Variants in SAMD12 observed in about 807,000 individuals in gnomAD.
The protein encoded by SAMD12 is sterile alpha motif domain containing 12.
SAMD12 carries 9 observed loss-of-function variants against 15.0 expected under a neutral mutation model. The ratio of observed to expected loss-of-function variants is 0.60; its 90% CI spans 0.36 to 1.05. SAMD12 has a LOEUF of 1.05. Ranked by LOEUF, SAMD12 falls within the 50% of genes least tolerant of loss-of-function variation. The pLI is 0.01. For missense variants in SAMD12, 230 were observed against 234.2 expected (o/e 0.98, Z 0.12); for synonymous variants, 86 against 90.1 (o/e 0.96, Z 0.25).
chr8:118,591,951 A>C (rs898591491), intron 1 of SAMD12, among the ~76,000 whole-genome samples: 2 of 152,326 alleles, frequency 1.3e-5, no homozygotes, highest in South Asian at 2.1e-4. Context: ...ATCCTCTAAC[A>C]TGAAGGTGGT....
At chr8:118,251,032 G>A (rs186200508) in intron 4 of SAMD12, among the ~76,000 whole-genome samples, 28 of 152,172 alleles carry the variant, frequency 1.8e-4, no homozygotes, top group Admixed American at 1.7e-3. Context: ...GATACACAGA[G>A]GTAACTTGCC....
At chr8:118,320,765 A>G (rs1227094055) in intron 4 of SAMD12, among the ~76,000 whole-genome samples, 1 of 151,294 alleles carries the variant, frequency 6.6e-6, no homozygotes, top group African/African-American at 2.4e-5. Context: ...ATGTATATAT[A>G]TGTAACAAAT....
At chr8:118,385,583 A>T (rs1819911918) in intron 3 of SAMD12, among the ~76,000 whole-genome samples, 1 of 152,204 alleles carries the variant, frequency 6.6e-6, no homozygotes, top group South Asian at 2.1e-4. Context: ...GTGTGTATAC[A>T]TATGCTCATA....
chr8:118,354,813 C>A (rs912884671), intron 4 of SAMD12, among the ~76,000 whole-genome samples: 2 of 152,192 alleles, frequency 1.3e-5, no homozygotes, highest in African/African-American at 4.8e-5. Context: ...CCAGTTAAAT[C>A]ACATTTGCAG....
intron 1 of SAMD12, among the ~76,000 whole-genome samples, chr8:118,587,144 C>T (rs959560228): frequency 6.6e-6 from 1 of 152,104 alleles, no homozygotes; most frequent in Non-Finnish European, 1.5e-5. Flanking sequence ...CCAATCCCCA[C>T]CATTAGTTAT....
intron 2 of SAMD12, among the ~76,000 whole-genome samples, chr8:118,566,493 T>A (rs1826855631): frequency 6.6e-6 from 1 of 152,192 alleles, no homozygotes; most frequent in African/African-American, 2.4e-5. Flanking sequence ...TTGCTCAACA[T>A]AGTTTTTACC....
At chr8:118,364,880 C>T (rs558132099) in intron 4 of SAMD12, among the ~76,000 whole-genome samples, 1 of 152,174 alleles carries the variant, frequency 6.6e-6, no homozygotes, top group East Asian at 1.9e-4. Context: ...TCCTCATCCT[C>T]ATTTGCCACC....
chr8:118,499,482 ACCT>A (rs1289907347), intron 2 of SAMD12, among the ~76,000 whole-genome samples: 9 of 152,210 alleles, frequency 5.9e-5, no homozygotes, highest in African/African-American at 2.2e-4. Flanking sequence ...ACGTCATGTA[ACCT>A]CCTCAAGCCA....
chr8:118,245,921 G>C (rs11562792), intron 4 of SAMD12, among the ~76,000 whole-genome samples: 24,708 of 152,058 alleles, frequency 0.16, 2,466 homozygotes, highest in South Asian at 0.27. Flanking sequence ...TAGGCAGAAG[G>C]ATTCATTTAC....
intron 4 of SAMD12, chr8:118,282,422 C>A: frequency 2.2e-6 from 1 of 450,024 alleles, no homozygotes; most frequent in South Asian, 1.6e-5. Context: ...CTTCTGCAGT[C>A]CAAAGGAAGG....
chr8:118,150,263 A>G, the SAMD12 span, among the ~76,000 whole-genome samples: 1 of 152,240 alleles, frequency 6.6e-6, no homozygotes, highest in Non-Finnish European at 1.5e-5. Flanking sequence ...AGTATATTAT[A>G]TTATTTCACC....
chr8:118,466,169 A>C (rs1242862019), intron 2 of SAMD12, among the ~76,000 whole-genome samples: 1 of 152,208 alleles, frequency 6.6e-6, no homozygotes, highest in Admixed American at 6.5e-5. Context: ...TGGGCAATGT[A>C]AAAGAGAAAA....
At chr8:118,491,926 G>A (rs1440226794) in intron 2 of SAMD12, among the ~76,000 whole-genome samples, 1 of 152,174 alleles carries the variant, frequency 6.6e-6, no homozygotes, top group Non-Finnish European at 1.5e-5. Flanking sequence ...AAGTCTTTGT[G>A]TGGATGTTTT....
chr8:118,146,763 T>A, the SAMD12 span, among the ~76,000 whole-genome samples: 9,932 of 152,264 alleles, frequency 0.065, 1,078 homozygotes, highest in African/African-American at 0.22. Flanking sequence ...CACTGGGTTT[T>A]GAGTATCACA....
At chr8:118,511,453 T>TTTTTG (rs549503520) in intron 2 of SAMD12, among the ~76,000 whole-genome samples, 3 of 90,270 alleles carry the variant, frequency 3.3e-5, no homozygotes, top group African/African-American at 1.1e-4. Flanking sequence ...TTTGTTTTTG[T>TTTTTG]TTTTTTTTTA....
At chr8:118,417,979 C>G (rs529030806) in intron 3 of SAMD12, among the ~76,000 whole-genome samples, 1 of 152,234 alleles carries the variant, frequency 6.6e-6, no homozygotes, top group African/African-American at 2.4e-5. Flanking sequence ...ATGACCTGAT[C>G]GAATATTCTT....
the SAMD12 span, among the ~76,000 whole-genome samples, chr8:118,168,621 C>G: frequency 2.6e-5 from 4 of 152,138 alleles, no homozygotes; most frequent in Non-Finnish European, 5.9e-5. Flanking sequence ...GGCTTGTCTG[C>G]CTCACTGGTT....
chr8:118,495,429 T>C (rs1009932844), intron 2 of SAMD12, among the ~76,000 whole-genome samples: 14 of 152,192 alleles, frequency 9.2e-5, no homozygotes, highest in African/African-American at 3.4e-4. Context: ...TTCAGCTGAG[T>C]GTGATTTTTA....
the SAMD12 span, among the ~76,000 whole-genome samples, chr8:118,177,715 C>A: frequency 2.1e-5 from 3 of 143,402 alleles, 1 homozygote; most frequent in African/African-American, 7.5e-5. Context: ...AGAGTGAGAT[C>A]CTGTTTTTAA....
Sources: allele counts gnomAD v4.1 joint callset (sites outside exome capture counted in the v4.1 genomes callset), GRCh38; gene constraint gnomAD v4.1.1; transcripts MANE v1.5; gene names NCBI Gene and HGNC (gene_info 2026-07-23, HGNC 2026-07-21).